The following CELF5 variants were observed in gnomAD, a reference collection of about 807,000 sequenced individuals.
The protein encoded by CELF5 is CUGBP Elav-like family member 5.
A neutral mutation model predicts 54.9 loss-of-function variants in CELF5; 6 were observed. The ratio of observed to expected loss-of-function variants is 0.11; its 90% CI spans 0.06 to 0.22. CELF5 has a LOEUF of 0.22. Among genes scored for constraint, CELF5 ranks in the 10% least tolerant of loss-of-function variants. The pLI is 1.00. For missense variants in CELF5, 401 were observed against 678.6 expected (o/e 0.59, Z 4.54); for synonymous variants, 271 against 290.9 (o/e 0.93, Z 0.70).
At chr19:3,257,485 T>C (rs2079744589) in intron 2 of CELF5, among the ~76,000 whole-genome samples, 1 of 146,890 alleles carries the variant, frequency 6.8e-6, no homozygotes, top group Admixed American at 6.6e-5. Context: ...ATTATTATTA[T>C]TTTTTTTGAG....
In CELF5 at chr19:3,274,296, G is replaced by A. The variant is rs2080013085; in HGVS notation, c.394+373G>A. ...CTGTGGATTGCTCTCTGGGGTCTCC[G>A]TGTGGAAATGTGTGTGTTTATGTGT... On this transcript the variant is annotated intron_variant, in intron 3 of 12. Transcript: ENST00000292672. 2.6e-5 allele frequency among the ~76,000 whole-genome samples: 4 copies of A among 152,348 alleles called. No individual in the cohort carries two copies. In the South Asian group the frequency reaches 6.2e-4, roughly 24 times the overall value.
chr19:3,248,842 T>TTTTC (rs202104584), intron 1 of CELF5, among the ~76,000 whole-genome samples: 16 of 145,922 alleles, frequency 1.1e-4, no homozygotes, highest in East Asian at 2.0e-4. Flanking sequence ...CTACAAACTT[T>TTTTC]TTTCTTTCTT....
At chr19:3,242,575 G>C (rs1162480842) in intron 1 of CELF5, among the ~76,000 whole-genome samples, 1 of 152,148 alleles carries the variant, frequency 6.6e-6, no homozygotes, top group Non-Finnish European at 1.5e-5. Context: ...GGGAGGCTGA[G>C]GTGGGTGGAT....
chr19:3,241,385 G>A (rs772492292), intron 1 of CELF5, among the ~76,000 whole-genome samples: 1 of 152,022 alleles, frequency 6.6e-6, no homozygotes, highest in East Asian at 1.9e-4. Flanking sequence ...CCGGCCTAAA[G>A]ATCAGTTCTT....
chr19:3,293,595 A>G (rs313784), intron 12 of CELF5, 109 bp downstream of exon 12: 682,326 of 947,640 alleles, frequency 0.72, 251,455 homozygotes, highest in African/African-American at 0.81. Flanking sequence ...GTGATGCTTC[A>G]AGAGGCTACA....
chr19:3,283,254 G>A lies in CELF5; in HGVS notation c.1039+756G>A, dbSNP rs1215811171. On this transcript the variant is annotated intron_variant, in intron 8 of 12. Coordinates refer to ENST00000292672, the MANE Select transcript of CELF5 (RefSeq NM_021938.4). ...TCTATGCTACACCTACAATTTTAGG[G>A]CAAACATCTTCCAACATCTAATTTA... Among the ~76,000 whole-genome samples, 7 of 152,250 alleles carry A rather than the reference G, an allele frequency of 4.6e-5. No individual in the cohort carries two copies. In the East Asian group the frequency reaches 1.3e-3, roughly 29 times the overall value.
chr19:3,238,963 T>C (rs2079453485), intron 1 of CELF5, among the ~76,000 whole-genome samples: 1 of 152,148 alleles, frequency 6.6e-6, no homozygotes. Context: ...AGGATGCTTG[T>C]CCTTGTGTTT....
rs890680045 is a variant in CELF5, at chr19:3,228,076, G to A, written c.259+3078G>A. Among the ~76,000 whole-genome samples, 3 of 152,104 alleles carry A rather than the reference G, an allele frequency of 2.0e-5. No individual in the cohort carries two copies. Among genetic ancestry groups the A allele is most frequent in the Admixed American group, 2.0e-4 (3 of 15,268 alleles). ...TGCGTCGAGGTGGTCTTCCGAAAGAGGGCAGGCCCTGGGGCGCTGGGTTTG... is the reference window on the plus strand; with the variant it reads ...TGCGTCGAGGTGGTCTTCCGAAAGAAGGCAGGCCCTGGGGCGCTGGGTTTG... On this transcript the variant is annotated intron_variant, in intron 1 of 12. Transcript: ENST00000292672. This position sits in a 1 kb window ranked among gnomAD's most constrained non-coding sequence, Gnocchi z 6.0.
chr19:3,285,489 A>T (rs1265387664), intron 9 of CELF5, among the ~76,000 whole-genome samples: 1 of 116,074 alleles, frequency 8.6e-6, no homozygotes. Flanking sequence ...ATAGCCCTCC[A>T]TCAAGTCACG....
At chr19:3,245,006 C>T (rs542253746) in intron 1 of CELF5, among the ~76,000 whole-genome samples, 38 of 114,782 alleles carry the variant, frequency 3.3e-4, no homozygotes, top group South Asian at 1.8e-3. Context: ...TGCATCTGTG[C>T]GTGTGTGTGT....
intron 1 of CELF5, among the ~76,000 whole-genome samples, chr19:3,240,062 G>A (rs934474092): frequency 4.6e-5 from 7 of 150,896 alleles, no homozygotes; most frequent in Non-Finnish European, 1.0e-4. Context: ...AGGCTGGAGC[G>A]CAGTGGCGAG....
intron 8 of CELF5, among the ~76,000 whole-genome samples, chr19:3,283,144 T>G (rs1455257322): frequency 6.6e-6 from 1 of 152,202 alleles, no homozygotes; most frequent in East Asian, 1.9e-4. Context: ...ATGCCTGGAT[T>G]CATTCATTTA....
At chr19:3,245,143 G>A (rs2079548009) in intron 1 of CELF5, among the ~76,000 whole-genome samples, 1 of 150,036 alleles carries the variant, frequency 6.7e-6, no homozygotes, top group Non-Finnish European at 1.5e-5. Context: ...TGTGGTGTGT[G>A]CGTGCATCTC....
chr19:3,232,769 C>T (rs1359641217), intron 1 of CELF5, among the ~76,000 whole-genome samples: 1 of 151,442 alleles, frequency 6.6e-6, no homozygotes, highest in Non-Finnish European at 1.5e-5. Context: ...TAGCAAGACC[C>T]CTTCTCTACA....
At chr19:3,279,597 G>A (rs781367076) in intron 5 of CELF5, among the ~76,000 whole-genome samples, 1 of 152,106 alleles carries the variant, frequency 6.6e-6, no homozygotes, top group African/African-American at 2.4e-5. Flanking sequence ...CAGCTCACCA[G>A]GGAGGAGCTG....
intron 1 of CELF5, 92 bp from the exon 2 acceptor site, chr19:3,250,893 G>GA: frequency 1.5e-6 from 1 of 667,492 alleles, no homozygotes; most frequent in South Asian, 2.3e-5. Flanking sequence ...GGAAGCTTGG[G>GA]TTGCTTCCAC....
At chr19:3,276,161 C>A (rs1448233896) in intron 4 of CELF5, among the ~76,000 whole-genome samples, 177 bp downstream of exon 4, 1 of 92,452 alleles carries the variant, frequency 1.1e-5, no homozygotes. Context: ...AGGGGCGGGG[C>A]CTTGGAGAGG....
intron 1 of CELF5, among the ~76,000 whole-genome samples, chr19:3,248,849 TCTTTCTTCCTTCCTTC>T (rs1294582322): frequency 2.3e-5 from 3 of 132,554 alleles, no homozygotes; most frequent in East Asian, 2.2e-4. Flanking sequence ...CTTTTTTCTT[TCTTTCTTCCTTCCTTC>T]CTTCCTTCCT....
Position 3,286,005 on chromosome 19 carries a change from TGCA to T in CELF5, c.1178_1180del (p.Gln393del), listed in dbSNP as rs762811444. The T allele has an allele frequency of 3.0e-5, 47 of 1,582,846 alleles. No homozygotes were observed. The highest frequency in any genetic ancestry group is 2.4e-4 in the East Asian group (10 of 42,372). On this transcript the variant is annotated inframe_deletion, in exon 10 of 13. Coordinates refer to ENST00000292672, the MANE Select transcript of CELF5 (RefSeq NM_021938.4). ...AGCGTCCCCCAGCCGCCGCCCCTCCTGCAGCAGCAGCAGCGAGAAGGTGAGGCG... is the reference window on the plus strand; with the variant it reads ...AGCGTCCCCCAGCCGCCGCCCCTCCTGCAGCAGCAGCGAGAAGGTGAGGCG...
Sources: allele counts gnomAD v4.1 joint callset (sites outside exome capture counted in the v4.1 genomes callset), GRCh38; gene constraint gnomAD v4.1.1; non-coding constraint Gnocchi (gnomAD v3.1); transcripts MANE v1.5; gene names NCBI Gene and HGNC (gene_info 2026-07-23, HGNC 2026-07-21).